RNF152: variants seen among roughly 807,000 people sequenced by gnomAD.
The protein encoded by RNF152 is E3 ubiquitin-protein ligase RNF152.
Under a neutral mutation model 12.7 loss-of-function variants are expected in RNF152, and 11 were observed. That is an observed-to-expected ratio of 0.86 (90% CI 0.54 to 1.43). The LOEUF is 1.43. Ranked by LOEUF, RNF152 falls within the 40% of genes most tolerant of loss-of-function variation. The probability of loss-of-function intolerance (pLI) is 0.00; values close to 1 mark genes in which losing one functional copy is unlikely to be tolerated. For missense variants in RNF152, 255 were observed against 274.8 expected (o/e 0.93, Z 0.51); for synonymous variants, 113 against 120.3 (o/e 0.94, Z 0.40).
At chr18:61,849,127 C>T (rs890605113) in intron 1 of RNF152, among the ~76,000 whole-genome samples, 10 of 152,180 alleles carry the variant, frequency 6.6e-5, no homozygotes, top group African/African-American at 2.2e-4. Context: ...CCTCCTCTCT[C>T]TCGCTCCACT....
At chr18:61,839,194 C>A (rs1910330657) in intron 1 of RNF152, among the ~76,000 whole-genome samples, 1 of 152,128 alleles carries the variant, frequency 6.6e-6, no homozygotes, top group Admixed American at 6.5e-5. Context: ...ATCGGGAAAT[C>A]TACTTTGGTA....
chr18:61,850,589 T>C (rs1274924719), intron 1 of RNF152, among the ~76,000 whole-genome samples: 2 of 152,194 alleles, frequency 1.3e-5, no homozygotes, highest in African/African-American at 4.8e-5. Context: ...CTCCATATAC[T>C]TGATTAGAGC....
chr18:61,828,623 G>T (rs1909782076), intron 1 of RNF152, among the ~76,000 whole-genome samples: 1 of 135,992 alleles, frequency 7.4e-6, no homozygotes, highest in Non-Finnish European at 1.7e-5. Context: ...CATAGGTATT[G>T]GTTTAGAAAA....
chr18:61,825,844 CAT>C (rs1909637262), intron 1 of RNF152, among the ~76,000 whole-genome samples: 1 of 152,180 alleles, frequency 6.6e-6, no homozygotes, highest in Non-Finnish European at 1.5e-5. Flanking sequence ...ATGAACTACA[CAT>C]GTTCCCTACT....
chr18:61,842,475 CTTT>C, intron 1 of RNF152, among the ~76,000 whole-genome samples: 1 of 152,308 alleles, frequency 6.6e-6, no homozygotes, highest in East Asian at 1.9e-4. Context: ...GTCACAGGGG[CTTT>C]GTTTCCCTGG....
chr18:61,815,215 T>C lies in RNF152; in HGVS notation c.*637A>G, dbSNP rs1212043589. ...CCATAAACACGTAGCAAGCTCTAAT[T>C]ACAAGTGAAGAAAATGAAGGTTCAT... is the stretch of plus-strand genomic sequence containing the variant. On this transcript the variant is annotated 3_prime_UTR_variant, in exon 2 of 2. Coordinates refer to ENST00000312828, the MANE Select transcript of RNF152 (RefSeq NM_173557.3). 1.3e-5 allele frequency: 2 copies of C among 152,650 alleles called. No homozygotes were observed. The highest frequency in any genetic ancestry group is 3.8e-4 in the East Asian group (2 of 5,198). 9.5% of individuals were successfully genotyped at this position (152,650 alleles called of 1,614,324 possible).
intron 1 of RNF152, among the ~76,000 whole-genome samples, chr18:61,869,082 G>A (rs1464187692): frequency 6.6e-6 from 1 of 152,156 alleles, no homozygotes. Flanking sequence ...ACATCTCAGA[G>A]GTAATCTCGA....
At chr18:61,894,116 G>C (rs1169391248), upstream of RNF152, 1 of 152,132 alleles carries the variant, frequency 6.6e-6, no homozygotes, top group Non-Finnish European at 1.5e-5. The surrounding 1 kb of genome is among the most constrained non-coding windows in gnomAD (Gnocchi z 4.9). Context: ...ATCCGGAGCC[G>C]GCAGAGCAGA....
At chr18:61,866,809 CT>C (rs1212917329) in intron 1 of RNF152, among the ~76,000 whole-genome samples, 4 of 152,234 alleles carry the variant, frequency 2.6e-5, no homozygotes, top group Admixed American at 2.6e-4. Context: ...GTCCCCACCG[CT>C]GAGCAGCACA....
At chr18:61,829,506 T>C (rs56412400) in intron 1 of RNF152, among the ~76,000 whole-genome samples, 3 of 144,042 alleles carry the variant, frequency 2.1e-5, no homozygotes, top group Admixed American at 7.0e-5. Flanking sequence ...GAGAGAGAGA[T>C]ATATATATAT....
At chr18:61,884,970 C>G (rs1912622542) in intron 1 of RNF152, among the ~76,000 whole-genome samples, 1 of 152,234 alleles carries the variant, frequency 6.6e-6, no homozygotes, top group Non-Finnish European at 1.5e-5. Flanking sequence ...ATGGATGGAT[C>G]TGTACCTTCA....
chr18:61,872,877 A>C (rs1912052677), intron 1 of RNF152, among the ~76,000 whole-genome samples: 1 of 152,204 alleles, frequency 6.6e-6, no homozygotes, highest in African/African-American at 2.4e-5. Flanking sequence ...TTCATTTTTA[A>C]TGCCATGCTC....
chr18:61,865,178 C>A (rs1026210418), intron 1 of RNF152, among the ~76,000 whole-genome samples: 2 of 152,132 alleles, frequency 1.3e-5, no homozygotes, highest in African/African-American at 2.4e-5. Flanking sequence ...ACCCCTAGAA[C>A]CTGCAGCCAA....
chr18:61,852,152 G>A (rs1911014410), intron 1 of RNF152, among the ~76,000 whole-genome samples: 1 of 152,168 alleles, frequency 6.6e-6, no homozygotes, highest in South Asian at 2.1e-4. Flanking sequence ...GGAAACAGTG[G>A]TTCCAAAGGA....
intron 1 of RNF152, among the ~76,000 whole-genome samples, chr18:61,850,614 C>T (rs1910928473): frequency 6.6e-6 from 1 of 152,096 alleles, no homozygotes. Context: ...TAAATATTTA[C>T]TAAGGGAATC....
intron 1 of RNF152, among the ~76,000 whole-genome samples, chr18:61,832,100 G>A (rs1909978919): frequency 6.6e-6 from 1 of 152,060 alleles, no homozygotes; most frequent in East Asian, 1.9e-4. Context: ...TTCAGTTTTA[G>A]GGGAAGTCAA....
intron 1 of RNF152, among the ~76,000 whole-genome samples, chr18:61,838,698 C>T (rs1599282025): frequency 6.6e-6 from 1 of 152,248 alleles, no homozygotes; most frequent in Middle Eastern, 3.4e-3. Context: ...CAGGATGGCA[C>T]TAGAGGGCCA....
intron 1 of RNF152, among the ~76,000 whole-genome samples, chr18:61,870,809 C>A (rs914505644): frequency 6.6e-6 from 1 of 152,162 alleles, no homozygotes; most frequent in Non-Finnish European, 1.5e-5. Context: ...ATCCCTGTTT[C>A]TCTCTGTTCC....
chr18:61,862,402 G>T (rs1271805154), intron 1 of RNF152, among the ~76,000 whole-genome samples: 2 of 152,226 alleles, frequency 1.3e-5, no homozygotes, highest in African/African-American at 4.8e-5. Context: ...AACTTCAGCT[G>T]ACAAAGCAAG....
Sources: allele counts gnomAD v4.1 joint callset (sites outside exome capture counted in the v4.1 genomes callset), GRCh38; gene constraint gnomAD v4.1.1; non-coding constraint Gnocchi (gnomAD v3.1); transcripts MANE v1.5; gene names NCBI Gene and HGNC (gene_info 2026-07-23, HGNC 2026-07-21).